ZEB2: variants seen among roughly 807,000 people sequenced by gnomAD.
The protein encoded by ZEB2 is zinc finger E-box binding homeobox 2.
ZEB2 carries 6 observed loss-of-function variants against 99.9 expected under a neutral mutation model. The observed-to-expected ratio is 0.06, with a 90% CI of 0.03 to 0.12. The LOEUF (loss-of-function observed/expected upper bound fraction) is 0.12, where lower values mean the gene tolerates loss of function less well. Among genes scored for constraint, ZEB2 ranks in the 10% least tolerant of loss-of-function variants. ZEB2 has a pLI of 1.00. For synonymous variants in ZEB2, 517 were observed against 542.5 expected, an observed-to-expected ratio of 0.95 and a Z score of 0.65; for missense variants, 969 against 1,502.8, an observed-to-expected ratio of 0.64 and a Z score of 5.87.
intron 2 of ZEB2, chr2:144,461,783 G>A (rs1455430872): frequency 1.3e-5 from 2 of 151,978 alleles, no homozygotes; most frequent in African/African-American, 4.8e-5. Flanking sequence ...GGATGACCAG[G>A]TTTCTACAGC....
At chr2:144,444,967 T>A (rs902048651) in intron 2 of ZEB2, 1 of 152,216 alleles carries the variant, frequency 6.6e-6, no homozygotes, top group Non-Finnish European at 1.5e-5. Context: ...CTTTTAATGA[T>A]CTGATCTCAT....
chr2:144,454,854 T>A (rs914834505), intron 2 of ZEB2, among the ~76,000 whole-genome samples: 2 of 152,036 alleles, frequency 1.3e-5, no homozygotes, highest in African/African-American at 4.8e-5. Context: ...CACATGGGTG[T>A]GCCTGCCTAC....
chr2:144,507,896 G>A (rs2149928788), intron 2 of ZEB2, among the ~76,000 whole-genome samples: 1 of 152,254 alleles, frequency 6.6e-6, no homozygotes, highest in African/African-American at 2.4e-5. Flanking sequence ...GATATGATTT[G>A]CTAAATTTTG....
chr2:144,468,346 T>G (rs747432506), intron 2 of ZEB2, among the ~76,000 whole-genome samples: 2 of 152,176 alleles, frequency 1.3e-5, no homozygotes, highest in Non-Finnish European at 2.9e-5. Flanking sequence ...TTTAATAATT[T>G]GATAAAACCA....
intron 2 of ZEB2, chr2:144,513,362 G>C: frequency 7.6e-7 from 1 of 1,322,472 alleles, no homozygotes; most frequent in South Asian, 1.2e-5. Flanking sequence ...GAAGTTCAGA[G>C]ACCAAAGGCA....
At chr2:144,493,383 A>G (rs1704709896) in intron 2 of ZEB2, among the ~76,000 whole-genome samples, 1 of 152,168 alleles carries the variant, frequency 6.6e-6, no homozygotes, top group Admixed American at 6.5e-5. Context: ...TAAAACAAAT[A>G]CTGCTCCCCA....
At chr2:144,420,975 A>G (rs1163296225) in intron 4 of ZEB2, among the ~76,000 whole-genome samples, 1 of 152,164 alleles carries the variant, frequency 6.6e-6, no homozygotes, top group African/African-American at 2.4e-5. Context: ...TGTTATAGGA[A>G]AGATGTGGGC....
chr2:144,459,749 C>T lies in ZEB2; in HGVS notation c.74-29723G>A, dbSNP rs140785790. On this transcript the variant is annotated intron_variant, in intron 2 of 9. Coordinates refer to ENST00000627532, the MANE Select transcript of ZEB2 (RefSeq NM_014795.4). ...GTAAAGATGACAATCAGCTAAGGTA[C>T]GAAATAAGGTAACAGAGCTAAAGAG... Among the ~76,000 whole-genome samples, 6 of 152,104 alleles carry T rather than the reference C, an allele frequency of 3.9e-5. No individual in the cohort carries two copies. In the East Asian group the frequency reaches 7.7e-4, roughly 20 times the overall value.
At chr2:144,510,687 CCTCTCT>C (rs34688250) in intron 2 of ZEB2, among the ~76,000 whole-genome samples, 151 of 147,838 alleles carry the variant, frequency 1.0e-3, no homozygotes, top group Middle Eastern at 3.5e-3. Flanking sequence ...CTACCCTGTG[CCTCTCT>C]CTCTCTCTCT....
Position 144,472,949 on chromosome 2 carries a change from G to A in ZEB2, c.74-42923C>T, listed in dbSNP as rs536813987. Among the ~76,000 whole-genome samples, 4 of 152,248 alleles carry A rather than the reference G, an allele frequency of 2.6e-5. No homozygotes were observed. The South Asian group carries it at 8.3e-4, about 32-fold the overall frequency. On this transcript the variant is annotated intron_variant, in intron 2 of 9. Coordinates refer to ENST00000627532, the MANE Select transcript of ZEB2 (RefSeq NM_014795.4). ...GAGAGCAGCTGGCAGTCTCAATGGA[G>A]CTCAGAGAGAATGAATGGACCAAAA...
chr2:144,429,760 G>C lies in ZEB2; in HGVS notation c.331+9C>G. Reference sequence around the variant, plus strand: ...TACAGGAAGAGGCCAAGTGATTTTAGACACTTACCTGGACCATCTACAGAG... The same window carrying C: ...TACAGGAAGAGGCCAAGTGATTTTACACACTTACCTGGACCATCTACAGAG... On this transcript the variant is annotated intron_variant, in intron 3 of 9. Coordinates refer to ENST00000627532, the MANE Select transcript of ZEB2 (RefSeq NM_014795.4). 1 of 1,613,738 alleles carries C rather than the reference G, an allele frequency of 6.2e-7. No individual in the cohort carries two copies. The highest frequency in any genetic ancestry group is 8.5e-7 in the Non-Finnish European group (1 of 1,179,772).
chr2:144,474,995 C>A (rs1452645593), intron 2 of ZEB2, among the ~76,000 whole-genome samples: 1 of 152,120 alleles, frequency 6.6e-6, no homozygotes, highest in African/African-American at 2.4e-5. Context: ...AAATTATGCA[C>A]AAATTTGAAT....
chr2:144,398,941 T>G lies in ZEB2; in HGVS notation c.2246A>C (p.Asn749Thr). ...AGGAGGATCACAATTCGTAACACTG[T>G]TGTGGAGTTCTGCTATAGATGGTGA... ...ITSPSIAELH[N>T]SVTNCDPPLR... Residue 749 changes from asparagine (N) to threonine (T), a missense_variant, in exon 8 of 10, where the codon AAC (asparagine) becomes ACC (threonine). Transcript: ENST00000627532. 5 of 1,614,148 alleles carry G rather than the reference T, an allele frequency of 3.1e-6. No individual in the cohort carries two copies. The highest frequency in any genetic ancestry group is 3.4e-6 in the Non-Finnish European group (4 of 1,180,026).
intron 2 of ZEB2, among the ~76,000 whole-genome samples, chr2:144,477,096 G>A (rs1193470342): frequency 2.0e-5 from 3 of 152,162 alleles, no homozygotes; most frequent in African/African-American, 4.8e-5. Flanking sequence ...TAAGAGCTGA[G>A]GCCCTACCCT....
intron 2 of ZEB2, among the ~76,000 whole-genome samples, chr2:144,438,958 A>G (rs892719228): frequency 2.6e-5 from 4 of 152,088 alleles, no homozygotes; most frequent in Admixed American, 6.6e-5. Flanking sequence ...AGCTCAACAC[A>G]TTATGGCCAC....
chr2:144,487,316 G>A (rs1234560546), intron 2 of ZEB2, among the ~76,000 whole-genome samples: 1 of 152,000 alleles, frequency 6.6e-6, no homozygotes, highest in African/African-American at 2.4e-5. Flanking sequence ...GCACACAACA[G>A]GTAGGAAAAA....
At chr2:144,415,234 G>A (rs927646684) in intron 4 of ZEB2, among the ~76,000 whole-genome samples, 11 of 151,840 alleles carry the variant, frequency 7.2e-5, no homozygotes, top group African/African-American at 1.9e-4. Context: ...TTCTAAAGGC[G>A]CTCAATAAAG....
chr2:144,513,207 T>C, intron 2 of ZEB2: 2 of 1,287,254 alleles, frequency 1.6e-6, no homozygotes, highest in Non-Finnish European at 2.0e-6. Context: ...TAACCATCAC[T>C]ACCAGCACCT....
intron 4 of ZEB2, among the ~76,000 whole-genome samples, chr2:144,407,824 G>C (rs191195790): frequency 1.2e-4 from 19 of 152,272 alleles, no homozygotes; most frequent in Non-Finnish European, 2.8e-4. Flanking sequence ...GTGTAACCTA[G>C]TAAACATAGA....
Sources: allele counts gnomAD v4.1 joint callset (sites outside exome capture counted in the v4.1 genomes callset), GRCh38; gene constraint gnomAD v4.1.1; transcripts MANE v1.5; gene names NCBI Gene and HGNC (gene_info 2026-07-23, HGNC 2026-07-21).